Variants in TCF25 observed in about 807,000 individuals in gnomAD.
TCF25 encodes the protein ribosome quality control complex subunit TCF25.
In TCF25, 41 loss-of-function variants were observed where a neutral mutation model predicts 83.1. The ratio of observed to expected loss-of-function variants is 0.49; its 90% CI spans 0.38 to 0.64. TCF25 has a LOEUF of 0.64. TCF25 is among the 30% of genes least tolerant of loss of function. The pLI, the probability that TCF25 is intolerant of heterozygous loss-of-function variation, is 0.00. For missense variants in TCF25, 979 were observed against 914.5 expected (o/e 1.07, Z -0.91); for synonymous variants, 458 against 365.0 (o/e 1.25, Z -2.90).
chr16:89,893,150 C>A (rs965939095), intron 6 of TCF25, among the ~76,000 whole-genome samples: 1 of 152,192 alleles, frequency 6.6e-6, no homozygotes, highest in Non-Finnish European at 1.5e-5. Context: ...GAAGGTATCA[C>A]TACAGGGGAC....
At chr16:89,883,314 A>G (rs774325304) in intron 1 of TCF25, 37 bp from the exon 2 acceptor site, 1 of 1,606,566 alleles carries the variant, frequency 6.2e-7, no homozygotes, top group African/African-American at 1.3e-5. Flanking sequence ...TCACACTGTA[A>G]GTAACGCCCT....
chr16:89,878,856 T>C (rs184550132), intron 1 of TCF25, among the ~76,000 whole-genome samples: 88 of 152,306 alleles, frequency 5.8e-4, no homozygotes, highest in African/African-American at 2.0e-3. Flanking sequence ...TTAGCGAGGA[T>C]GGTCTTGATC....
At chr16:89,876,364 G>C (rs966228266) in intron 1 of TCF25, among the ~76,000 whole-genome samples, 1 of 152,174 alleles carries the variant, frequency 6.6e-6, no homozygotes, top group Non-Finnish European at 1.5e-5. Flanking sequence ...ACAGTAAACA[G>C]CCAGTTACGA....
At chr16:89,882,258 G>C (rs2042664155) in intron 1 of TCF25, among the ~76,000 whole-genome samples, 1 of 152,198 alleles carries the variant, frequency 6.6e-6, no homozygotes, top group Admixed American at 6.5e-5. Context: ...TTCCAGACTT[G>C]GCGTGGTGGC....
At chr16:89,904,626 C>A (rs1038744616) in intron 13 of TCF25, 3 of 523,166 alleles carry the variant, frequency 5.7e-6, no homozygotes, top group Non-Finnish European at 1.1e-5. Flanking sequence ...AAAGTGCACG[C>A]CTTGGGGTCA....
chr16:89,889,964 G>A (rs556314059), intron 5 of TCF25: 1 of 151,982 alleles, frequency 6.6e-6, no homozygotes, highest in Admixed American at 6.6e-5. Context: ...CCGCCTCCTG[G>A]GTTCAAACGA....
At position 89,906,211 on chromosome 16, in the gene TCF25, A is replaced by G. The variant is rs776069871; in HGVS notation, c.1646A>G (p.Gln549Arg). ...GGCCCTAGGCGGAAGGTGCTCTACC[A>G]GCGTGCACCCAGGAATATCCACCGC... ...ACENRRKVLY[Q>R]RAPRNIHRHV... The change falls in exon 15 of 18, where the codon CAG becomes CGG. Residue 549 changes from glutamine to arginine, a missense_variant. Transcript: ENST00000263346. 4 of 1,613,216 alleles carry G rather than the reference A, an allele frequency of 2.5e-6. No individual in the cohort carries two copies. Among genetic ancestry groups the G allele is most frequent in the South Asian group, 1.1e-5 (1 of 91,070 alleles).
intron 6 of TCF25, 23 bp downstream of exon 6, chr16:89,892,298 G>A (rs748412856): frequency 6.2e-7 from 1 of 1,600,862 alleles, no homozygotes; most frequent in Admixed American, 1.7e-5. Flanking sequence ...AGATGCTGCT[G>A]GGGATGGAGG....
Position 89,895,974 on chromosome 16 carries a change from G to A in TCF25, c.929-16G>A, listed in dbSNP as rs368327551. The A allele has an allele frequency of 3.5e-5, 56 of 1,611,550 alleles. No individual in the cohort carries two copies. The African/African-American group carries it at 4.7e-4, about 13-fold the overall frequency. ...TGTGGCCATGACACCCTCCCCTGGC[G>A]TCCCTGTGCCCACAGAGAGAGCGCT... On this transcript the variant is annotated splice_polypyrimidine_tract_variant and intron_variant, in intron 8 of 17. Coordinates refer to ENST00000263346, the MANE Select transcript of TCF25 (RefSeq NM_014972.3).
At position 89,911,105 on chromosome 16, in the gene TCF25, C is replaced by T. The variant is rs1235902605; in HGVS notation, c.1898C>T (p.Ala633Val). The T allele has an allele frequency of 6.8e-6, 11 of 1,611,296 alleles. No individual in the cohort carries two copies. Among genetic ancestry groups the T allele is most frequent in the Non-Finnish European group, 9.3e-6 (11 of 1,179,888 alleles). ...GGGGAGAGGCCCGAGGAAGGAGTGGCTGGGGGTCTGAACCGCAACCAGGGC... is the reference window on the plus strand; with the variant it reads ...GGGGAGAGGCCCGAGGAAGGAGTGGTTGGGGGTCTGAACCGCAACCAGGGC... Reference protein sequence around the residue: ...MEGERPEEGVAGGLNRNQGLN... With the variant: ...MEGERPEEGVVGGLNRNQGLN... Residue 633 changes from alanine (A) to valine (V), a missense_variant, in exon 18 of 18, where the codon GCT (alanine) becomes GTT (valine). Transcript: ENST00000263346.
chr16:89,903,504 C>G lies in TCF25; in HGVS notation c.1382-614C>G, dbSNP rs185431324. On this transcript the variant is annotated intron_variant, in intron 12 of 17. Coordinates refer to ENST00000263346, the MANE Select transcript of TCF25 (RefSeq NM_014972.3). The stretch of plus-strand genomic sequence containing the variant: ...TGGTCAACACGGTGAAACCCTTTCT[C>G]TACCAAAAATATAAAAATTAGCCGG... Among the ~76,000 whole-genome samples the G allele has an allele frequency of 4.3e-3, 662 of 152,246 alleles. 10 individuals carry two copies. The highest frequency in any genetic ancestry group is 8.1e-3 in the South Asian group (39 of 4,814).
chr16:89,880,888 C>T (rs529188350), intron 1 of TCF25, among the ~76,000 whole-genome samples: 44 of 152,330 alleles, frequency 2.9e-4, no homozygotes, highest in African/African-American at 9.6e-4. Flanking sequence ...GGGTGCAAGG[C>T]AGCCGGCCCA....
At chr16:89,881,272 A>C (rs7199259) in intron 1 of TCF25, among the ~76,000 whole-genome samples, 2 of 152,158 alleles carry the variant, frequency 1.3e-5, no homozygotes, top group African/African-American at 4.8e-5. Context: ...TGTTTCAGAA[A>C]CTATCTCAGG....
In TCF25 at chr16:89,905,595, G is replaced by A. The variant is rs2270462; in HGVS notation, c.1628+499G>A. Among the ~76,000 whole-genome samples the A allele has an allele frequency of 1.7e-3, 255 of 152,340 alleles. 6 individuals are homozygous for A. In the East Asian group the frequency reaches 0.041, roughly 25 times the overall value. ...ATCAGCACCGTGGCTCTGTGCAGTG[G>A]TGTGGCCAGGCTCAGGACCGCCTGG... On this transcript the variant is annotated intron_variant, in intron 14 of 17. Coordinates refer to ENST00000263346, the MANE Select transcript of TCF25 (RefSeq NM_014972.3).
At chr16:89,900,938 C>G in intron 12 of TCF25, 144 bp downstream of exon 12, 1 of 948,430 alleles carries the variant, frequency 1.1e-6, no homozygotes, top group East Asian at 2.7e-5. Context: ...GCAAACCTGC[C>G]CTACCAAACC....
intron 12 of TCF25, among the ~76,000 whole-genome samples, chr16:89,901,239 G>T (rs2044297627): frequency 6.6e-6 from 1 of 152,272 alleles, no homozygotes; most frequent in Non-Finnish European, 1.5e-5. Flanking sequence ...ACCCCTGACT[G>T]CATCTGGGTA....
Position 89,885,962 on chromosome 16 carries a change from C to T in TCF25, c.544C>T (p.His182Tyr). The T allele has an allele frequency of 6.8e-7, 1 of 1,478,804 alleles. No homozygotes were observed. The allele number at this position is 1,478,804 out of a possible 1,614,324, so 91.6% of individuals were successfully genotyped here. A position where few individuals can be genotyped will look rare whatever the true frequency, so the allele number is the denominator to read the frequency against. The change falls in exon 4 of 18, where the codon CAC becomes TAC. Residue 182 changes from histidine to tyrosine, a missense_variant. Transcript: ENST00000263346. ...CAGGAAGCACGTTCTCTACGTGGAG[C>T]ACAGGTGTGGCCCCCGCCCTTCTCT... ...SSRKHVLYVE[H>Y]RHLNPDTELK...
intron 9 of TCF25, among the ~76,000 whole-genome samples, chr16:89,898,271 G>T (rs923791625): frequency 5.9e-5 from 9 of 152,214 alleles, no homozygotes; most frequent in Non-Finnish European, 8.8e-5. Context: ...GAATGGGGGT[G>T]GAGCGGGTGC....
At chr16:89,886,023 G>GCTGCCCTTCTCTGCGA in intron 4 of TCF25, 57 bp downstream of exon 4, 1 of 1,465,144 alleles carries the variant, frequency 6.8e-7, no homozygotes, top group Non-Finnish European at 9.5e-7. Flanking sequence ...CTTCTCTGCG[G>GCTGCCCTTCTCTGCGA]CTGCCCTTCT....
Sources: allele counts gnomAD v4.1 joint callset (sites outside exome capture counted in the v4.1 genomes callset), GRCh38; gene constraint gnomAD v4.1.1; transcripts MANE v1.5; gene names NCBI Gene and HGNC (gene_info 2026-07-23, HGNC 2026-07-21).